Variants in DIAPH2 observed in about 807,000 individuals in gnomAD.
DIAPH2 encodes protein diaphanous homolog 2.
DIAPH2 carries 35 observed loss-of-function variants against 92.7 expected under a neutral mutation model. The ratio of observed to expected loss-of-function variants is 0.38; its 90% CI spans 0.29 to 0.50. DIAPH2 has a LOEUF of 0.50. DIAPH2 is among the 20% of genes least tolerant of loss of function. DIAPH2 has a pLI of 0.94. For missense variants in DIAPH2, 701 were observed against 819.5 expected (o/e 0.86, Z 1.77); for synonymous variants, 301 against 280.4 (o/e 1.07, Z -0.73).
intron 25 of DIAPH2, among the ~76,000 whole-genome samples, chrX:97,407,798 T>A (rs1241063785): frequency 8.9e-6 from 1 of 111,946 alleles, no homozygotes; most frequent in East Asian, 2.8e-4. Flanking sequence ...CATAGTAACT[T>A]CATAAAATAG....
Position 97,046,948 on chromosome X carries a change from C to T in DIAPH2, c.2051-25993C>T, listed in dbSNP as rs746969460. ...GGGAGGTTGTGTTACTTTCGGTGGT[C>T]GGGGTGTGATGATCACAGGATTGAA... On this transcript the variant is annotated intron_variant, in intron 17 of 26. Coordinates refer to ENST00000324765, the MANE Select transcript of DIAPH2 (RefSeq NM_006729.5). Among the ~76,000 whole-genome samples the T allele has an allele frequency of 5.4e-5, 6 of 110,401 alleles. No individual in the cohort carries two copies. In the East Asian group the frequency reaches 8.6e-4, roughly 16 times the overall value.
intron 16 of DIAPH2, among the ~76,000 whole-genome samples, chrX:96,962,386 T>G (rs1446711461): frequency 2.8e-5 from 2 of 71,872 alleles, no homozygotes; most frequent in East Asian, 7.2e-4. Flanking sequence ...TATACACATA[T>G]ATATACACAT....
chrX:97,337,664 AC>A (rs1472642672), intron 23 of DIAPH2, among the ~76,000 whole-genome samples: 2 of 110,594 alleles, frequency 1.8e-5, no homozygotes, highest in Non-Finnish European at 3.8e-5. Flanking sequence ...CATGGACGTA[AC>A]CCCACATTGG....
intron 26 of DIAPH2, among the ~76,000 whole-genome samples, chrX:97,521,715 G>A (rs1468916802): frequency 1.8e-5 from 2 of 111,377 alleles, no homozygotes; most frequent in South Asian, 3.8e-4. Context: ...AGGTGCCTTA[G>A]CCACAATTGT....
chrX:97,049,712 C>T (rs1036379436), intron 17 of DIAPH2, among the ~76,000 whole-genome samples: 21 of 110,893 alleles, frequency 1.9e-4, no homozygotes, highest in Non-Finnish European at 7.6e-5. Context: ...TGATATCACT[C>T]ATGTTTATTT....
intron 3 of DIAPH2, among the ~76,000 whole-genome samples, chrX:96,746,563 T>C (rs749688209): frequency 9.0e-6 from 1 of 111,042 alleles, no homozygotes; most frequent in South Asian, 3.8e-4. Context: ...TTTGTTTGTT[T>C]GTTTTTTCGA....
chrX:97,018,036 T>A (rs7881295), intron 17 of DIAPH2, among the ~76,000 whole-genome samples: 6,762 of 112,401 alleles, frequency 0.06, 498 homozygotes, highest in African/African-American at 0.21. Context: ...TAGCATAAGA[T>A]GTTTTAGCAT....
intron 24 of DIAPH2, among the ~76,000 whole-genome samples, chrX:97,350,032 A>ATATATAAGATATATGTATGT (rs2069196804): frequency 1.8e-5 from 2 of 111,261 alleles, no homozygotes; most frequent in Non-Finnish European, 3.8e-5. Flanking sequence ...GTATGTGGCT[A>ATATATAAGATATATGTATGT]GGCGCGGTGG....
chrX:97,470,317 G>A (rs183313705), intron 26 of DIAPH2, among the ~76,000 whole-genome samples: 1 of 111,449 alleles, frequency 9.0e-6, no homozygotes, highest in East Asian at 2.8e-4. Context: ...GAAATACCCT[G>A]AGTGTTTTAA....
At chrX:96,706,649 T>A (rs1452066325) in intron 1 of DIAPH2, among the ~76,000 whole-genome samples, 2 of 111,555 alleles carry the variant, frequency 1.8e-5, no homozygotes. Context: ...CATTGCGAGG[T>A]ACTGAAGTAT....
intron 22 of DIAPH2, among the ~76,000 whole-genome samples, chrX:97,177,963 C>T (rs367755712): frequency 8.1e-5 from 9 of 111,712 alleles, no homozygotes; most frequent in African/African-American, 2.6e-4. Context: ...AATCCCAGCA[C>T]TTTGGGAGAC....
intron 25 of DIAPH2, among the ~76,000 whole-genome samples, chrX:97,429,284 C>A (rs1461901321): frequency 1.8e-5 from 2 of 111,926 alleles, no homozygotes; most frequent in East Asian, 5.6e-4. Context: ...TCACGCCCTG[C>A]ACATTGATTG....
chrX:97,275,279 C>G (rs7053407), intron 23 of DIAPH2, among the ~76,000 whole-genome samples: 39,186 of 97,124 alleles, frequency 0.4, 7,572 homozygotes, highest in Non-Finnish European at 0.55. Flanking sequence ...GGCTGCCCCC[C>G]CAACCTCCCT....
chrX:96,763,137 T>C (rs765737389), intron 4 of DIAPH2: 48 of 945,249 alleles, frequency 5.1e-5, no homozygotes, highest in Non-Finnish European at 3.9e-5. Context: ...ACAAAAGATG[T>C]GTTTTACCCT....
intron 26 of DIAPH2, among the ~76,000 whole-genome samples, chrX:97,446,530 C>G (rs1280207670): frequency 9.0e-6 from 1 of 111,478 alleles, no homozygotes; most frequent in African/African-American, 3.3e-5. Flanking sequence ...TCCTTATAAC[C>G]TAATTGATAT....
At position 97,603,000 on chromosome X, in the gene DIAPH2, T is replaced by C. The variant is rs781195328; in HGVS notation, c.*3683T>C. ...GATTTTTCCTGAACAACCCCATCTC[T>C]ATTCTTGGCTTCTGTTGAAACAGTC... is the stretch of plus-strand genomic sequence containing the variant. On this transcript the variant is annotated 3_prime_UTR_variant, in exon 27 of 27. Coordinates refer to ENST00000324765, the MANE Select transcript of DIAPH2 (RefSeq NM_006729.5). 1 of 111,625 alleles carries C rather than the reference T, an allele frequency of 9.0e-6. No individual in the cohort carries two copies. The allele number at this position is 111,625 out of a possible 1,213,427, so 9.2% of individuals were successfully genotyped here. A position where few individuals can be genotyped will look rare whatever the true frequency, so the allele number is the denominator to read the frequency against.
intron 26 of DIAPH2, among the ~76,000 whole-genome samples, chrX:97,464,649 T>C (rs1323808062): frequency 9.0e-6 from 1 of 111,387 alleles, no homozygotes; most frequent in African/African-American, 3.3e-5. Flanking sequence ...CACATGGTGA[T>C]AGGACTGTCA....
chrX:96,849,346 A>G (rs961416426), intron 4 of DIAPH2, among the ~76,000 whole-genome samples: 7 of 111,044 alleles, frequency 6.3e-5, no homozygotes, highest in Non-Finnish European at 1.3e-4. Context: ...TTATATTTTT[A>G]GTAGAGATGG....
intron 20 of DIAPH2, among the ~76,000 whole-genome samples, chrX:97,100,889 A>C (rs187819183): frequency 1.1e-4 from 12 of 111,857 alleles, no homozygotes; most frequent in African/African-American, 3.6e-4. Context: ...GAGTTTATTA[A>C]TTTTGAGACA....
Sources: gnomAD v4.1 joint callset for allele counts (sites outside exome capture counted in the v4.1 genomes callset) on GRCh38, gnomAD v4.1.1 for gene constraint, MANE v1.5 for transcripts, NCBI Gene and HGNC (gene_info 2026-07-23, HGNC 2026-07-21) for gene names.